The following BRAF variants were observed in gnomAD, a reference collection of about 807,000 sequenced individuals.
BRAF encodes the protein serine/threonine-protein kinase B-raf.
In BRAF, 16 loss-of-function variants were observed where a neutral mutation model predicts 104.6. The observed-to-expected ratio is 0.15, with a 90% CI of 0.10 to 0.23. The LOEUF (loss-of-function observed/expected upper bound fraction) is 0.23. BRAF is among the 10% of genes least tolerant of loss of function. BRAF has a pLI of 1.00. For synonymous variants in BRAF, 310 were observed against 341.6 expected (o/e 0.91, Z 1.02); for missense variants, 541 against 937.3 (o/e 0.58, Z 5.52).
At chr7:140,771,096 T>C (rs935042552) in intron 14 of BRAF, among the ~76,000 whole-genome samples, 1 of 152,172 alleles carries the variant, frequency 6.6e-6, no homozygotes, top group Non-Finnish European at 1.5e-5. Flanking sequence ...ATGGAAGATA[T>C]AACCACACAG....
In BRAF at chr7:140,924,420, G is replaced by A; in HGVS notation, c.138+146C>T. ...GCTGCATGACGGAGAGGGACACGGG[G>A]GCGATGCCCACCTCCCAGCCCGCGG... On this transcript the variant is annotated intron_variant, in intron 1 of 19. Transcript: ENST00000644969. This position sits in a 1 kb window ranked among gnomAD's most constrained non-coding sequence, Gnocchi z 4.2. The A allele has an allele frequency of 8.3e-7, 1 of 1,208,092 alleles. No individual in the cohort carries two copies. Among genetic ancestry groups the A allele is most frequent in the Non-Finnish European group, 1.2e-6 (1 of 862,652 alleles). 74.8% of individuals were successfully genotyped at this position (1,208,092 alleles called of 1,614,324 possible). A position where few individuals can be genotyped will look rare whatever the true frequency, so the allele number is the denominator to read the frequency against.
chr7:140,771,427 C>T (rs752773405), intron 14 of BRAF, among the ~76,000 whole-genome samples: 2 of 152,096 alleles, frequency 1.3e-5, no homozygotes, highest in African/African-American at 2.4e-5. Flanking sequence ...CTCCTTGGCT[C>T]GGGCAATACT....
chr7:140,740,314 C>T (rs562139784), intron 17 of BRAF: 46 of 206,092 alleles, frequency 2.2e-4, no homozygotes, highest in African/African-American at 9.3e-4. Context: ...TGTTGTTGGA[C>T]GTTGTGTTAA....
chr7:140,829,750 G>A (rs959139397), intron 3 of BRAF, among the ~76,000 whole-genome samples: 2 of 152,036 alleles, frequency 1.3e-5, no homozygotes, highest in Non-Finnish European at 2.9e-5. Context: ...TTCAACTTTC[G>A]AATTATACAG....
chr7:140,838,137 T>A (rs976414653), intron 2 of BRAF, among the ~76,000 whole-genome samples: 1 of 152,178 alleles, frequency 6.6e-6, no homozygotes, highest in Non-Finnish European at 1.5e-5. Context: ...AGACAGTTGT[T>A]CAAAAACCCT....
intron 12 of BRAF, among the ~76,000 whole-genome samples, chr7:140,779,205 G>A (rs1226082897): frequency 6.6e-6 from 1 of 152,058 alleles, no homozygotes; most frequent in African/African-American, 2.4e-5. Context: ...GACATGGGAG[G>A]GTGTTTCTAG....
chr7:140,770,714 T>C (rs1799758352), intron 14 of BRAF, among the ~76,000 whole-genome samples: 1 of 151,890 alleles, frequency 6.6e-6, no homozygotes, highest in Admixed American at 6.6e-5. Context: ...GGCGGGCAGA[T>C]CACTTGAGGT....
At chr7:140,893,590 T>C (rs1455248441) in intron 1 of BRAF, among the ~76,000 whole-genome samples, 1 of 151,868 alleles carries the variant, frequency 6.6e-6, no homozygotes, top group African/African-American at 2.4e-5. Context: ...CAAATAGAAG[T>C]ACTCTACTCA....
chr7:140,896,443 A>C (rs1187448138), intron 1 of BRAF, among the ~76,000 whole-genome samples: 5 of 152,188 alleles, frequency 3.3e-5, no homozygotes, highest in African/African-American at 1.2e-4. Flanking sequence ...GGAAAAAAAA[A>C]CAGAGCTGGG....
chr7:140,881,975 G>T (rs773789732), intron 1 of BRAF, among the ~76,000 whole-genome samples: 2 of 152,122 alleles, frequency 1.3e-5, no homozygotes, highest in Non-Finnish European at 2.9e-5. Context: ...TTGAAATATT[G>T]CAAGAATTAC....
chr7:140,808,158 A>G, intron 4 of BRAF, 96 bp from the exon 5 acceptor site: 1 of 910,740 alleles, frequency 1.1e-6, no homozygotes, highest in Non-Finnish European at 1.8e-6. Context: ...TCGAGGGGCT[A>G]GTAACAGTGA....
intron 1 of BRAF, among the ~76,000 whole-genome samples, chr7:140,903,403 T>C (rs1157534474): frequency 6.6e-6 from 1 of 152,218 alleles, no homozygotes; most frequent in East Asian, 1.9e-4. Context: ...CAACATAGTT[T>C]GCTGAATATT....
chr7:140,740,207 C>T (rs1231925911), intron 17 of BRAF: 1 of 420,118 alleles, frequency 2.4e-6, no homozygotes, highest in Non-Finnish European at 4.4e-6. Flanking sequence ...CTCTCTTTAT[C>T]CAGTCCATTT....
chr7:140,918,444 T>C (rs1817851286), intron 1 of BRAF, among the ~76,000 whole-genome samples: 2 of 152,200 alleles, frequency 1.3e-5, no homozygotes, highest in African/African-American at 4.8e-5. Context: ...TAATGCTCAC[T>C]TGCCTGCCAC....
chr7:140,923,537 A>G (rs1193777930), intron 1 of BRAF, among the ~76,000 whole-genome samples: 1 of 152,226 alleles, frequency 6.6e-6, no homozygotes, highest in Non-Finnish European at 1.5e-5. Flanking sequence ...AAGGAGGACA[A>G]CACTAAGAAA....
intron 7 of BRAF, 117 bp from the exon 8 acceptor site, chr7:140,794,584 A>G: frequency 1.6e-6 from 2 of 1,215,532 alleles, no homozygotes; most frequent in South Asian, 2.8e-5. Context: ...TCATTAAAGC[A>G]TTAAAAACCT....
At chr7:140,858,634 C>T (rs1345859881) in intron 1 of BRAF, among the ~76,000 whole-genome samples, 1 of 152,070 alleles carries the variant, frequency 6.6e-6, no homozygotes, top group East Asian at 1.9e-4. Flanking sequence ...AAGATAGCTG[C>T]AAGAGACATT....
chr7:140,761,582 A>G (rs1293148869), intron 14 of BRAF, among the ~76,000 whole-genome samples: 1 of 152,170 alleles, frequency 6.6e-6, no homozygotes, highest in Non-Finnish European at 1.5e-5. Context: ...CAATTAAAAG[A>G]CACAGACTGG....
intron 1 of BRAF, among the ~76,000 whole-genome samples, chr7:140,883,094 C>G (rs914010674): frequency 6.6e-6 from 1 of 151,960 alleles, no homozygotes; most frequent in Admixed American, 6.5e-5. Context: ...GATAATTTTC[C>G]TATGGCTTTC....
Sources: gnomAD v4.1 joint callset for allele counts (sites outside exome capture counted in the v4.1 genomes callset) on GRCh38, gnomAD v4.1.1 for gene constraint, Gnocchi (gnomAD v3.1) non-coding constraint, MANE v1.5 for transcripts, NCBI Gene and HGNC (gene_info 2026-07-23, HGNC 2026-07-21) for gene names.